Variants in UQCRC2 observed in about 807,000 individuals in gnomAD.
The protein encoded by UQCRC2 is cytochrome b-c1 complex subunit 2, mitochondrial.
UQCRC2 carries 49 observed loss-of-function variants against 55.6 expected under a neutral mutation model. The observed-to-expected ratio is 0.88, with a 90% confidence interval of 0.70 to 1.12. The LOEUF is 1.12. Ranked by LOEUF, UQCRC2 falls within the 50% of genes most tolerant of loss-of-function variation. The pLI, the probability that UQCRC2 is intolerant of heterozygous loss-of-function variation, is 0.00. For missense variants in UQCRC2, 506 were observed against 547.8 expected, an observed-to-expected ratio of 0.92 and a Z score of 0.76; for synonymous variants, 193 against 192.0, an observed-to-expected ratio of 1.01 and a Z score of -0.04.
At chr16:21,965,371 G>A in intron 6 of UQCRC2, 37 bp from the exon 7 acceptor site, 6 of 1,582,910 alleles carry the variant, frequency 3.8e-6, no homozygotes, top group Non-Finnish European at 5.2e-6. Flanking sequence ...TTTACTGAAA[G>A]TGCATTTCCC....
chr16:21,980,024 C>G (rs1459759372), intron 12 of UQCRC2, among the ~76,000 whole-genome samples: 1 of 152,140 alleles, frequency 6.6e-6, no homozygotes, highest in Non-Finnish European at 1.5e-5. Context: ...GTGTTCTGAG[C>G]ACATATGAGA....
At chr16:21,966,469 A>T (rs888581540) in intron 7 of UQCRC2, among the ~76,000 whole-genome samples, 2 of 152,222 alleles carry the variant, frequency 1.3e-5, no homozygotes, top group Admixed American at 6.5e-5. Flanking sequence ...AGACCCAAAA[A>T]CAAATTTTAT....
chr16:21,973,156 G>A (rs2967155), intron 10 of UQCRC2, among the ~76,000 whole-genome samples: 145,963 of 152,290 alleles, frequency 0.96, 70,390 homozygotes, highest in Middle Eastern at 0.99. Flanking sequence ...TATGCTTTAC[G>A]TGGACTGAGC....
At chr16:21,982,963 CAAAA>C (rs1036084484) in intron 13 of UQCRC2, 121 bp from the exon 14 acceptor site, 4,001 of 528,462 alleles carry the variant, frequency 7.6e-3, no homozygotes, top group East Asian at 8.6e-3. Flanking sequence ...GACTCCACCT[CAAAA>C]AAAAAAAAAA....
intron 12 of UQCRC2, among the ~76,000 whole-genome samples, chr16:21,977,657 C>G (rs1266427051): frequency 2.0e-5 from 3 of 152,188 alleles, no homozygotes; most frequent in African/African-American, 7.2e-5. Context: ...AATCAACCTG[C>G]ATTTTCATAC....
At chr16:21,976,534 T>C (rs191318123) in intron 12 of UQCRC2, 4 of 276,132 alleles carry the variant, frequency 1.4e-5, no homozygotes, top group Non-Finnish European at 2.7e-5. Context: ...TCCACCAAAA[T>C]TAGAGAATAA....
chr16:21,974,306 G>A (rs529723183), intron 11 of UQCRC2, among the ~76,000 whole-genome samples: 5 of 152,298 alleles, frequency 3.3e-5, no homozygotes, highest in African/African-American at 1.2e-4. Context: ...TGTAGAGATT[G>A]TGTTGAAATC....
chr16:21,969,232 A>C (rs1453283954), intron 8 of UQCRC2, among the ~76,000 whole-genome samples: 1 of 152,122 alleles, frequency 6.6e-6, no homozygotes, highest in Non-Finnish European at 1.5e-5. Flanking sequence ...ATCTTTTTGA[A>C]CATATCTGTT....
In UQCRC2 at chr16:21,972,213, C is replaced by T; in HGVS notation, c.966+91C>T. On this transcript the variant is annotated intron_variant, in intron 10 of 13. Coordinates refer to ENST00000268379, the MANE Select transcript of UQCRC2 (RefSeq NM_003366.4). Reference sequence around the variant, plus strand: ...GATAATCTACTCTTAAAATGTAAGACAAACACACAGAAAATCTTTGTACAA... The same window carrying T: ...GATAATCTACTCTTAAAATGTAAGATAAACACACAGAAAATCTTTGTACAA... 12 of 1,442,670 alleles carry T rather than the reference C, an allele frequency of 8.3e-6. No homozygotes were observed. The South Asian group carries it at 1.1e-4, about 14-fold the overall frequency. 89.4% of individuals were successfully genotyped at this position (1,442,670 alleles called of 1,614,324 possible).
chr16:21,981,213 A>T (rs1251543019), intron 13 of UQCRC2, among the ~76,000 whole-genome samples: 1 of 151,240 alleles, frequency 6.6e-6, no homozygotes, highest in Non-Finnish European at 1.5e-5. Flanking sequence ...GTTCTTGCTA[A>T]TTTTTTTTTC....
At chr16:21,976,115 C>A in intron 11 of UQCRC2, 52 bp from the exon 12 acceptor site, 1 of 1,286,498 alleles carries the variant, frequency 7.8e-7, no homozygotes, top group Non-Finnish European at 1.1e-6. Context: ...GTCAGTGCTG[C>A]AGGAGACTCT....
At chr16:21,962,576 C>G in intron 5 of UQCRC2, 60 bp downstream of exon 5, 1 of 1,610,184 alleles carries the variant, frequency 6.2e-7, no homozygotes, top group Non-Finnish European at 8.5e-7. Context: ...CTGCTCACTT[C>G]TGGTCTTTGT....
chr16:21,973,061 C>T (rs1393525870), intron 10 of UQCRC2, among the ~76,000 whole-genome samples: 1 of 152,198 alleles, frequency 6.6e-6, no homozygotes, highest in Non-Finnish European at 1.5e-5. Flanking sequence ...GATCGTGCCA[C>T]TGCACTCCAG....
chr16:21,955,245 A>G (rs1172896486), intron 1 of UQCRC2, among the ~76,000 whole-genome samples: 2 of 152,206 alleles, frequency 1.3e-5, no homozygotes, highest in Non-Finnish European at 2.9e-5. Context: ...TAACTATACC[A>G]TACCCAGCAA....
chr16:21,961,062 C>T (rs1898187667), intron 4 of UQCRC2, among the ~76,000 whole-genome samples: 1 of 152,122 alleles, frequency 6.6e-6, no homozygotes, highest in African/African-American at 2.4e-5. Context: ...AACTCCTGGC[C>T]TCAGGTGATC....
rs200334145 is a variant in UQCRC2, at chr16:21,962,786, A to G, written c.415A>G (p.Asn139Asp). The G allele has an allele frequency of 3.0e-5, 49 of 1,614,010 alleles. 1 individual carries two copies. Among genetic ancestry groups the G allele is most frequent in the Non-Finnish European group, 2.2e-5 (26 of 1,180,022 alleles). Reference sequence around the variant, plus strand: ...TGATATTCTAATGGAGTTCCTGCTCAATGTCACCACAGCACCAGAATTTCG... The same window carrying G: ...TGATATTCTAATGGAGTTCCTGCTCGATGTCACCACAGCACCAGAATTTCG... ...DVDILMEFLL[N>D]VTTAPEFRRW... The change falls in exon 6 of 14, where the codon AAT (asparagine) becomes GAT (aspartate). Residue 139 changes from asparagine (N) to aspartate (D), a missense_variant. Asn to Asp is a conservative substitution (Grantham distance 23). Transcript: ENST00000268379.
chr16:21,972,126 A>C lies in UQCRC2; in HGVS notation c.966+4A>C. On this transcript the variant is annotated splice_donor_region_variant and intron_variant, in intron 10 of 13. Coordinates refer to ENST00000268379, the MANE Select transcript of UQCRC2 (RefSeq NM_003366.4). The stretch of plus-strand genomic sequence containing the variant: ...GGCAACTCAGCAGCCATTTGATGTG[A>C]GTCTGAACAGTTGGTATCTCTCTTT... The C allele has an allele frequency of 6.2e-7, 1 of 1,611,350 alleles. No homozygotes were observed. The highest frequency in any genetic ancestry group is 2.2e-5 in the East Asian group (1 of 44,782).
intron 4 of UQCRC2, chr16:21,962,182 T>C: frequency 2.5e-6 from 1 of 404,048 alleles, no homozygotes; most frequent in South Asian, 3.4e-5. Flanking sequence ...TATTTGTCCC[T>C]TTGTGACTGG....
intron 6 of UQCRC2, among the ~76,000 whole-genome samples, chr16:21,964,059 T>C (rs1898267476): frequency 6.6e-6 from 1 of 152,100 alleles, no homozygotes; most frequent in South Asian, 2.1e-4. Flanking sequence ...GGAGCAGAAA[T>C]GTGCAGGAAG....
Sources: gnomAD v4.1 joint callset for allele counts (sites outside exome capture counted in the v4.1 genomes callset) on GRCh38, gnomAD v4.1.1 for gene constraint, MANE v1.5 for transcripts, NCBI Gene and HGNC (gene_info 2026-07-23, HGNC 2026-07-21) for gene names.